Variants in ZC3H6 observed in about 807,000 individuals in gnomAD.
ZC3H6 encodes the protein zinc finger CCCH-type containing 6, also known as zinc finger CCCH domain-containing protein 6.
ZC3H6 carries 40 observed loss-of-function variants against 107.7 expected under a neutral mutation model. That is an observed-to-expected ratio of 0.37 (90% CI 0.29 to 0.48). The LOEUF (loss-of-function observed/expected upper bound fraction) is 0.48. ZC3H6 is among the 20% of genes least tolerant of loss of function. The pLI, the probability that ZC3H6 is intolerant of heterozygous loss-of-function variation, is 0.98. For missense variants in ZC3H6, 1,267 were observed against 1,410.4 expected (o/e 0.90, Z 1.63); for synonymous variants, 493 against 487.9 (o/e 1.01, Z -0.14).
At chr2:112,313,824 G>C (rs952513321) in intron 5 of ZC3H6, among the ~76,000 whole-genome samples, 7 of 152,120 alleles carry the variant, frequency 4.6e-5, no homozygotes, top group African/African-American at 1.7e-4. Context: ...AGGCCTTTCA[G>C]AGACTATGAG....
In ZC3H6 at chr2:112,324,323, T is replaced by C. The variant is rs750832669; in HGVS notation, c.1512T>C (p.Cys504=). ...MHPGSPGHHP[C]AGPPGLPVPQ... The stretch of plus-strand genomic sequence containing the variant: ...CAGGCTCCCCTGGACATCACCCATG[T>C]GCAGGACCTCCTGGTCTACCAGTGC... Residue 504 remains cysteine, a synonymous_variant, in exon 10 of 12, where the codon TGT becomes TGC. Transcript: ENST00000409871. 2.3e-5 allele frequency: 37 copies of C among 1,613,918 alleles called. No homozygotes were observed. Among genetic ancestry groups the C allele is most frequent in the African/African-American group, 2.7e-5 (2 of 74,940 alleles).
chr2:112,293,951 A>G (rs979461462), intron 1 of ZC3H6, among the ~76,000 whole-genome samples: 8 of 152,198 alleles, frequency 5.3e-5, no homozygotes, highest in Non-Finnish European at 8.8e-5. Context: ...AACAGTTTCC[A>G]TCCTGTAGCT....
chr2:112,331,133 A>C lies in ZC3H6; in HGVS notation c.2215A>C (p.Thr739Pro). 6.2e-7 allele frequency: 1 copy of C among 1,613,618 alleles called. No homozygotes were observed. The highest frequency in any genetic ancestry group is 8.5e-7 in the Non-Finnish European group (1 of 1,179,764). ...GCAACAACCTTCCACAGAACTCAGC[A>C]CTCCTACTGATCCAAGACTTGCTAA... ...NQQQPSTELS[T>P]PTDPRLAKEK... Residue 739 changes from threonine (T) to proline (P), a missense_variant, in exon 12 of 12, where the codon ACT (threonine) becomes CCT (proline). By Grantham distance (38) the Thr-to-Pro change is conservative. Transcript: ENST00000409871.
At chr2:112,308,041 A>G (rs140890440) in intron 3 of ZC3H6, among the ~76,000 whole-genome samples, 5 of 152,248 alleles carry the variant, frequency 3.3e-5, no homozygotes, top group Non-Finnish European at 7.3e-5. Flanking sequence ...AAATATAACC[A>G]TCATTTAACT....
intron 3 of ZC3H6, among the ~76,000 whole-genome samples, chr2:112,307,273 CA>C (rs1315046971): frequency 6.6e-6 from 1 of 152,192 alleles, no homozygotes; most frequent in African/African-American, 2.4e-5. Context: ...AACCCCCCAG[CA>C]GTTAAATTAG....
At chr2:112,313,427 T>C (rs1385958630) in intron 5 of ZC3H6, among the ~76,000 whole-genome samples, 1 of 152,122 alleles carries the variant, frequency 6.6e-6, no homozygotes, top group Admixed American at 6.6e-5. Flanking sequence ...CCTATACCTT[T>C]AAACAAAATT....
intron 2 of ZC3H6, among the ~76,000 whole-genome samples, chr2:112,302,870 A>G (rs1166927949): frequency 1.3e-5 from 2 of 149,254 alleles, no homozygotes; most frequent in African/African-American, 4.9e-5. Context: ...TACATACTCT[A>G]CTCATGTTCT....
rs892608342 is a variant in ZC3H6 at position 112,332,611 on chromosome 2, A to G, written c.*123A>G. 2.5e-5 allele frequency: 24 copies of G among 943,654 alleles called. No individual in the cohort carries two copies. The highest frequency in any genetic ancestry group is 1.9e-5 in the South Asian group (1 of 51,472). The allele number at this position is 943,654 out of a possible 1,614,324, so 58.5% of individuals were successfully genotyped here. A position where few individuals can be genotyped will look rare whatever the true frequency, so the allele number is the denominator to read the frequency against. On this transcript the variant is annotated 3_prime_UTR_variant, in exon 12 of 12. Coordinates refer to ENST00000409871, the MANE Select transcript of ZC3H6 (RefSeq NM_198581.3). ...TTATAAACACTTTTCAGCTGCTAGT[A>G]TCAGAACCACATGAAGTTATAGCCT... is the stretch of plus-strand genomic sequence containing the variant.
At chr2:112,315,247 T>A (rs1207644999) in intron 5 of ZC3H6, among the ~76,000 whole-genome samples, 1 of 151,492 alleles carries the variant, frequency 6.6e-6, no homozygotes, top group African/African-American at 2.4e-5. Flanking sequence ...GCCTTGTTAC[T>A]TAATCTTATA....
Position 112,309,978 on chromosome 2 carries a change from A to G in ZC3H6, c.430A>G (p.Ser144Gly). The change falls in exon 4 of 12, where the codon AGT becomes GGT. Residue 144 changes from serine (S) to glycine (G), a missense_variant. Coordinates refer to ENST00000409871, the MANE Select transcript of ZC3H6 (RefSeq NM_198581.3). ...SKEYDEYSTY[S>G]DDNFGNYSDD... Reference sequence around the variant, plus strand: ...AGAATATGATGAGTACAGCACCTACAGTGATGACAACTTCGGTAACTACAG... The same window carrying G: ...AGAATATGATGAGTACAGCACCTACGGTGATGACAACTTCGGTAACTACAG... 1 of 1,613,082 alleles carries G rather than the reference A, an allele frequency of 6.2e-7. No individual in the cohort carries two copies. The highest frequency in any genetic ancestry group is 1.3e-5 in the African/African-American group (1 of 75,052).
At chr2:112,311,391 A>T (rs1676587810) in intron 4 of ZC3H6, among the ~76,000 whole-genome samples, 1 of 152,174 alleles carries the variant, frequency 6.6e-6, no homozygotes, top group Non-Finnish European at 1.5e-5. Context: ...TTTCCTGGAG[A>T]TATATGTGTA....
At position 112,276,568 on chromosome 2, in the gene ZC3H6, T is replaced by C. The variant is rs1481115368; in HGVS notation, c.32+542T>C. Among the ~76,000 whole-genome samples the C allele has an allele frequency of 4.6e-5, 7 of 152,324 alleles. No homozygotes were observed. The South Asian group carries it at 1.4e-3, about 32-fold the overall frequency. On this transcript the variant is annotated intron_variant, in intron 1 of 11. Coordinates refer to ENST00000409871, the MANE Select transcript of ZC3H6 (RefSeq NM_198581.3). ...TTGAGATGGCAAGTTTCAAGTTTAA[T>C]ATGTTAACACAAAATACTTAGGCTT...
intron 2 of ZC3H6, among the ~76,000 whole-genome samples, chr2:112,300,730 G>C (rs144455907): frequency 1.3e-5 from 2 of 152,094 alleles, no homozygotes; most frequent in African/African-American, 4.8e-5. Context: ...GAGTGAAATA[G>C]TTGGCTCTTA....
intron 3 of ZC3H6, among the ~76,000 whole-genome samples, chr2:112,307,317 T>C (rs1479579879): frequency 2.0e-5 from 3 of 152,178 alleles, no homozygotes; most frequent in Non-Finnish European, 4.4e-5. Context: ...TTCCTCATCT[T>C]TTTTCAGGGC....
intron 1 of ZC3H6, 72 bp downstream of exon 1, chr2:112,276,098 G>A (rs1264173395): frequency 3.0e-5 from 43 of 1,435,476 alleles, no homozygotes; most frequent in Non-Finnish European, 3.5e-5. Flanking sequence ...GCGGGCCGGG[G>A]CCGGGCGCCT....
rs186900573 is a variant in ZC3H6, at chr2:112,337,694, A to G, written c.*5206A>G. On this transcript the variant is annotated 3_prime_UTR_variant, in exon 12 of 12. Transcript: ENST00000409871. ...TGAAGTGCAGTGGCGCTATCAGCTC[A>G]CAGCAGCCTCCGCCTCCCAGGTTCA... The G allele has an allele frequency of 6.6e-6, 1 of 152,246 alleles. No homozygotes were observed. Among genetic ancestry groups the G allele is most frequent in the African/African-American group, 2.4e-5 (1 of 41,502 alleles). 9.4% of individuals were successfully genotyped at this position (152,246 alleles called of 1,614,324 possible).
chr2:112,287,989 G>GT (rs1486395703), intron 1 of ZC3H6, among the ~76,000 whole-genome samples: 6 of 152,018 alleles, frequency 3.9e-5, no homozygotes, highest in African/African-American at 7.3e-5. Flanking sequence ...TTATCCTTTA[G>GT]TTGGTTACTT....
intron 5 of ZC3H6, among the ~76,000 whole-genome samples, chr2:112,314,840 A>G (rs769410147): frequency 6.6e-6 from 1 of 152,164 alleles, no homozygotes; most frequent in Non-Finnish European, 1.5e-5. Context: ...AAGCAATTTC[A>G]TTGTGTTTTC....
intron 11 of ZC3H6, 44 bp from the exon 12 acceptor site, chr2:112,330,959 TAA>T (rs757666699): frequency 1.8e-5 from 16 of 881,538 alleles, no homozygotes; most frequent in African/African-American, 1.8e-5. Flanking sequence ...TATTATATTA[TAA>T]GTTTATAATA....
Sources: allele counts gnomAD v4.1 joint callset (sites outside exome capture counted in the v4.1 genomes callset), GRCh38; gene constraint gnomAD v4.1.1; transcripts MANE v1.5; gene names NCBI Gene and HGNC (gene_info 2026-07-23, HGNC 2026-07-21).